The following COL24A1 variants were observed in gnomAD, a reference collection of about 807,000 sequenced individuals.
COL24A1 encodes collagen type XXIV alpha 1 chain.
A neutral mutation model predicts 253.9 loss-of-function variants in COL24A1; 224 were observed. The ratio of observed to expected loss-of-function variants is 0.88; its 90% confidence interval spans 0.79 to 0.99. The LOEUF (loss-of-function observed/expected upper bound fraction) is 0.99. Ranked by LOEUF, COL24A1 falls within the 50% of genes least tolerant of loss-of-function variation. COL24A1 has a pLI of 0.00. For synonymous variants in COL24A1, 685 were observed against 673.7 expected (o/e 1.02, Z -0.26); for missense variants, 2,131 against 2,068.5 (o/e 1.03, Z -0.59).
chr1:85,944,031 A>G (rs1688998786), intron 24 of COL24A1, among the ~76,000 whole-genome samples: 1 of 152,240 alleles, frequency 6.6e-6, no homozygotes, highest in Non-Finnish European at 1.5e-5. Flanking sequence ...CAGTAAATGA[A>G]GAGATGTCCT....
chr1:86,075,044 G>A (rs1170223201), intron 7 of COL24A1, among the ~76,000 whole-genome samples: 7 of 151,920 alleles, frequency 4.6e-5, no homozygotes. Flanking sequence ...TAAGATCAGA[G>A]AAGAACTGAA....
intron 18 of COL24A1, among the ~76,000 whole-genome samples, chr1:86,021,007 C>T (rs1334993073): frequency 1.3e-5 from 2 of 152,080 alleles, no homozygotes; most frequent in African/African-American, 4.8e-5. Context: ...AAAAATTGTT[C>T]TTTGGGTTAA....
intron 24 of COL24A1, among the ~76,000 whole-genome samples, chr1:85,948,027 G>A (rs1228238521): frequency 1.3e-5 from 2 of 152,022 alleles, no homozygotes; most frequent in African/African-American, 4.8e-5. Context: ...ATCACTTTCT[G>A]TACTGTTAAG....
chr1:85,946,126 A>C (rs994492613), intron 24 of COL24A1, among the ~76,000 whole-genome samples: 3 of 152,210 alleles, frequency 2.0e-5, no homozygotes, highest in African/African-American at 7.2e-5. Flanking sequence ...ATTTTGCTAC[A>C]TGATAGCCAG....
At chr1:85,798,386 G>T (rs1671050209) in intron 47 of COL24A1, among the ~76,000 whole-genome samples, 1 of 152,016 alleles carries the variant, frequency 6.6e-6, no homozygotes, top group African/African-American at 2.4e-5. Flanking sequence ...GGGGTTGGGG[G>T]TCGGAGGGAG....
chr1:86,080,116 T>C (rs1239239539), intron 7 of COL24A1, among the ~76,000 whole-genome samples: 1 of 152,174 alleles, frequency 6.6e-6, no homozygotes, highest in Non-Finnish European at 1.5e-5. Context: ...ATTCTGTCAT[T>C]TGCAACAGCA....
intron 55 of COL24A1, among the ~76,000 whole-genome samples, chr1:85,755,505 C>T (rs564155416): frequency 3.4e-5 from 5 of 145,762 alleles, no homozygotes; most frequent in Admixed American, 1.4e-4. Flanking sequence ...GTAATCAAAA[C>T]AGTTGGTACT....
chr1:86,112,116 T>G (rs543893274), intron 5 of COL24A1, among the ~76,000 whole-genome samples: 1 of 152,334 alleles, frequency 6.6e-6, no homozygotes, highest in Admixed American at 6.5e-5. Flanking sequence ...GTTGTTTTCA[T>G]AAACATTTGT....
chr1:85,896,038 C>G lies in COL24A1; in HGVS notation c.2860G>C (p.Gly954Arg). 1 of 1,612,508 alleles carries G rather than the reference C, an allele frequency of 6.2e-7. No homozygotes were observed. The change falls in exon 30 of 60, where the codon GGG becomes CGG. Residue 954 changes from glycine (G) to arginine (R), a missense_variant. Physicochemically the swap from Gly to Arg is moderately radical, Grantham distance 125. Coordinates refer to ENST00000370571, the MANE Select transcript of COL24A1 (RefSeq NM_152890.7). Reference sequence around the variant, plus strand: ...TTACTTACAATAAGACCATGAGGCCCTCTTTTTCCTTGATCTCCTTTTTCA... The same window carrying G: ...TTACTTACAATAAGACCATGAGGCCGTCTTTTTCCTTGATCTCCTTTTTCA... ...KGEKGDQGKR[G>R]PHGLIGKTGN... is the part of the protein sequence containing the mutation.
chr1:86,155,865 T>G, intron 1 of COL24A1: 1 of 154,900 alleles, frequency 6.5e-6, no homozygotes, highest in Non-Finnish European at 1.4e-5. Flanking sequence ...AGTCCAGTGG[T>G]CCAGGCTGCG....
At chr1:86,076,317 G>C (rs982242054) in intron 7 of COL24A1, among the ~76,000 whole-genome samples, 1 of 152,020 alleles carries the variant, frequency 6.6e-6, no homozygotes. Context: ...AAAATACCTA[G>C]GAATACAACT....
intron 7 of COL24A1, among the ~76,000 whole-genome samples, chr1:86,073,030 C>T (rs191820459): frequency 7.9e-5 from 12 of 152,232 alleles, no homozygotes; most frequent in African/African-American, 2.6e-4. Flanking sequence ...AAAACCAGTG[C>T]AAAAGGGCAG....
At chr1:85,738,838 T>G (rs1334654031) in intron 57 of COL24A1, among the ~76,000 whole-genome samples, 2 of 152,160 alleles carry the variant, frequency 1.3e-5, no homozygotes, top group African/African-American at 4.8e-5. Context: ...AATTGGTAGC[T>G]CAAAGGGTAG....
rs562190835 is a variant in COL24A1, at chr1:86,112,956, C to CTG, written c.1546-337_1546-336insCA. On this transcript the variant is annotated intron_variant, in intron 4 of 59. Coordinates refer to ENST00000370571, the MANE Select transcript of COL24A1 (RefSeq NM_152890.7). Reference sequence around the variant, plus strand: ...TTTCTTATACTGTTCTAATCTGTTACTTAAATACTTTATTGCTGTTCTAAC... The same window carrying CTG: ...TTTCTTATACTGTTCTAATCTGTTACTGTTAAATACTTTATTGCTGTTCTAAC... Among the ~76,000 whole-genome samples the CTG allele has an allele frequency of 4.0e-3, 610 of 152,276 alleles. 6 individuals are homozygous for CTG. Among genetic ancestry groups the CTG allele is most frequent in the Non-Finnish European group, 2.5e-3 (169 of 68,016 alleles).
intron 32 of COL24A1, among the ~76,000 whole-genome samples, chr1:85,880,502 AC>A (rs1322896976): frequency 1.3e-5 from 2 of 151,226 alleles, no homozygotes; most frequent in African/African-American, 4.8e-5. Context: ...AAATTTGTAT[AC>A]TTTTTCTTTT....
At chr1:86,057,384 T>G (rs1700742939) in intron 10 of COL24A1, among the ~76,000 whole-genome samples, 1 of 152,194 alleles carries the variant, frequency 6.6e-6, no homozygotes, top group Non-Finnish European at 1.5e-5. Flanking sequence ...CCTCAGGTAT[T>G]TATAGTGATG....
Position 85,911,554 on chromosome 1 carries a change from A to G in COL24A1, c.2563-121T>C, listed in dbSNP as rs369540204. 2.6e-4 allele frequency: 216 copies of G among 834,030 alleles called. 1 individual carries two copies. The African/African-American group carries it at 3.5e-3, about 13-fold the overall frequency. The allele number at this position is 834,030 out of a possible 1,614,324, so 51.7% of individuals were successfully genotyped here. A position where few individuals can be genotyped will look rare whatever the true frequency, so the allele number is the denominator to read the frequency against. ...TAACTTATCCTAAATGTTATCTTGG[A>G]GTAAAATTCCTCCTTGTATAGCTAT... On this transcript the variant is annotated intron_variant, in intron 24 of 59. Transcript: ENST00000370571.
In COL24A1 at chr1:86,125,998, T is replaced by C. The variant is rs772898986; in HGVS notation, c.338A>G (p.Gln113Arg). ...GQPFTILTGL[Q>R]SHRVNNAFLF... ...AAATGCATTGTTCACCCGATGTGAC[T>C]GTAACCCAGTTAATATTGTAAACGG... The change falls in exon 3 of 60, where the codon CAG becomes CGG. Residue 113 changes from glutamine to arginine, a missense_variant. Physicochemically the swap from Gln to Arg is conservative, Grantham distance 43. Coordinates refer to ENST00000370571, the MANE Select transcript of COL24A1 (RefSeq NM_152890.7). The C allele has an allele frequency of 8.7e-5, 140 of 1,613,532 alleles. No individual in the cohort carries two copies. The highest frequency in any genetic ancestry group is 1.2e-4 in the Non-Finnish European group (138 of 1,179,802).
intron 20 of COL24A1, among the ~76,000 whole-genome samples, chr1:85,974,055 T>C (rs1265638021): frequency 1.3e-5 from 2 of 152,172 alleles, no homozygotes; most frequent in African/African-American, 2.4e-5. Flanking sequence ...TCATTTTTTG[T>C]GTATCTAATA....
Sources: allele counts gnomAD v4.1 joint callset (sites outside exome capture counted in the v4.1 genomes callset), GRCh38; gene constraint gnomAD v4.1.1; transcripts MANE v1.5; gene names NCBI Gene and HGNC (gene_info 2026-07-23, HGNC 2026-07-21).